PLCZ1: variants seen among roughly 807,000 people sequenced by gnomAD.
PLCZ1 encodes phospholipase C zeta 1.
In PLCZ1, 64 loss-of-function variants were observed where a neutral mutation model predicts 76.8. The ratio of observed to expected loss-of-function variants is 0.83; its 90% CI spans 0.68 to 1.03. The LOEUF is 1.03. Ranked by LOEUF, PLCZ1 falls within the 50% of genes least tolerant of loss-of-function variation. PLCZ1 has a pLI of 0.00. For synonymous variants in PLCZ1, 248 were observed against 230.8 expected, an observed-to-expected ratio of 1.07 and a Z score of -0.68; for missense variants, 751 against 713.7, an observed-to-expected ratio of 1.05 and a Z score of -0.60.
intron 6 of PLCZ1, 72 bp from the exon 7 acceptor site, chr12:18,705,387 C>T (rs1956471021): frequency 2.0e-6 from 3 of 1,537,938 alleles, no homozygotes; most frequent in Admixed American, 3.4e-5. Context: ...AATATAAGTG[C>T]TTAATGTATT....
At chr12:18,665,171 A>T in the PLCZ1 span, among the ~76,000 whole-genome samples, 12,030 of 151,438 alleles carry the variant, frequency 0.079, 565 homozygotes, top group Non-Finnish European at 0.1. Context: ...AATAAAAAAT[A>T]AAAAAAAATT....
chr12:18,688,041 C>A, intron 13 of PLCZ1, 48 bp downstream of exon 13: 1 of 1,599,714 alleles, frequency 6.3e-7, no homozygotes, highest in Non-Finnish European at 8.5e-7. Flanking sequence ...TGTAAGCTTT[C>A]CAACAAGAAG....
intron 14 of PLCZ1, chr12:18,683,717 T>C: frequency 1.0e-6 from 1 of 972,814 alleles, no homozygotes; most frequent in Non-Finnish European, 1.4e-6. Flanking sequence ...AACATAAAGG[T>C]AGTCAGCCCT....
rs1321087968 is a variant in PLCZ1 at position 18,712,934 on chromosome 12, G to T, written c.622C>A (p.Gln208Lys). The T allele has an allele frequency of 2.5e-6, 4 of 1,613,912 alleles. No homozygotes were observed. The highest frequency in any genetic ancestry group is 2.2e-5 in the South Asian group (2 of 91,078). The change falls in exon 6 of 15, where the codon CAA (glutamine) becomes AAA (lysine). Residue 208 changes from glutamine to lysine, a missense_variant. Physicochemically the swap from Gln to Lys is moderately conservative, Grantham distance 53. Transcript: ENST00000266505. Reference sequence around the variant, plus strand: ...CCATGATATACAACAGGTTCATTTTGTGCTCCATCCCAGCAGTCAATCTCC... The same window carrying T: ...CCATGATATACAACAGGTTCATTTTTTGCTCCATCCCAGCAGTCAATCTCC... Reference protein sequence around the residue: ...CLEIDCWDGAQNEPVVYHGYT... With the variant: ...CLEIDCWDGAKNEPVVYHGYT...
the PLCZ1 span, among the ~76,000 whole-genome samples, chr12:18,650,929 A>G: frequency 7.3e-5 from 11 of 151,324 alleles, no homozygotes; most frequent in Admixed American, 6.6e-5. Flanking sequence ...CCTCCTTTCT[A>G]TGCTTACTCT....
At chr12:18,684,052 G>T in intron 14 of PLCZ1, 78 bp downstream of exon 14, 2 of 1,484,532 alleles carry the variant, frequency 1.3e-6, no homozygotes, top group Non-Finnish European at 1.9e-6. Flanking sequence ...GAGCTATTTG[G>T]TATGTCAAAA....
chr12:18,733,795 G>T (rs1028877659), intron 3 of PLCZ1, among the ~76,000 whole-genome samples: 1 of 152,006 alleles, frequency 6.6e-6, no homozygotes, highest in Non-Finnish European at 1.5e-5. Context: ...TTTATTTCTG[G>T]GCTCTCTATT....
intron 12 of PLCZ1, among the ~76,000 whole-genome samples, chr12:18,694,672 G>C (rs2137163536): frequency 6.6e-6 from 1 of 152,232 alleles, no homozygotes; most frequent in South Asian, 2.1e-4. Context: ...TTTGAGAGGA[G>C]AAGGTTTTAG....
chr12:18,736,023 C>T (rs949428932), intron 3 of PLCZ1, 198 bp downstream of exon 3: 2 of 520,378 alleles, frequency 3.8e-6, no homozygotes, highest in Non-Finnish European at 6.5e-6. Context: ...TTATTCTAAA[C>T]TGATATCCTG....
chr12:18,650,598 A>G, the PLCZ1 span, among the ~76,000 whole-genome samples: 1 of 147,938 alleles, frequency 6.8e-6, no homozygotes, highest in Non-Finnish European at 1.5e-5. Flanking sequence ...AGTGCTTGAT[A>G]TGAGAGCTGA....
At chr12:18,696,125 C>T in intron 11 of PLCZ1, 25 bp downstream of exon 11, 1 of 1,178,630 alleles carries the variant, frequency 8.5e-7, no homozygotes, top group South Asian at 1.2e-5. Flanking sequence ...CTTCTGCAAA[C>T]AACTCAATAT....
intron 5 of PLCZ1, among the ~76,000 whole-genome samples, chr12:18,716,710 T>C (rs1210940785): frequency 6.6e-6 from 1 of 152,224 alleles, no homozygotes; most frequent in Non-Finnish European, 1.5e-5. Flanking sequence ...CTTTATTTCA[T>C]CTATTTATCT....
the PLCZ1 span, among the ~76,000 whole-genome samples, chr12:18,676,196 G>T: frequency 6.6e-6 from 1 of 152,064 alleles, no homozygotes; most frequent in Non-Finnish European, 1.5e-5. Context: ...AAAAACAAGA[G>T]AAAGAAACCA....
At position 18,711,871 on chromosome 12, in the gene PLCZ1, G is replaced by A. The variant is rs550047544; in HGVS notation, c.714+971C>T. ...GAAATAATAGAAACTACATGTTTAGGAGAATCAGTGCCATACTCTCAATGT... is the reference window on the plus strand; with the variant it reads ...GAAATAATAGAAACTACATGTTTAGAAGAATCAGTGCCATACTCTCAATGT... On this transcript the variant is annotated intron_variant, in intron 6 of 14. Coordinates refer to ENST00000266505, the MANE Select transcript of PLCZ1 (RefSeq NM_033123.4). 7.5e-4 allele frequency among the ~76,000 whole-genome samples: 114 copies of A among 152,138 alleles called. 1 individual carries two copies. The highest frequency in any genetic ancestry group is 2.6e-3 in the African/African-American group (110 of 41,544).
the PLCZ1 span, among the ~76,000 whole-genome samples, chr12:18,668,049 A>G: frequency 1.4e-4 from 21 of 152,192 alleles, no homozygotes; most frequent in Non-Finnish European, 2.6e-4. Flanking sequence ...GATTTCTGAT[A>G]CAGTCAAAGT....
chr12:18,666,291 G>C, the PLCZ1 span, among the ~76,000 whole-genome samples: 1 of 151,380 alleles, frequency 6.6e-6, no homozygotes, highest in East Asian at 1.9e-4. Context: ...TCAATTAAAG[G>C]GCATATTTGG....
intron 6 of PLCZ1, among the ~76,000 whole-genome samples, chr12:18,711,094 T>C (rs1957256448): frequency 6.6e-6 from 1 of 152,064 alleles, no homozygotes; most frequent in Admixed American, 6.5e-5. Flanking sequence ...TATATGTTTA[T>C]TGCGGCACTA....
chr12:18,683,489 T>G, intron 14 of PLCZ1, 165 bp from the exon 15 acceptor site: 21 of 1,482,994 alleles, frequency 1.4e-5, no homozygotes, highest in Non-Finnish European at 1.9e-5. Flanking sequence ...AATTAAATAT[T>G]TGCATTTTCT....
intron 3 of PLCZ1, 28 bp downstream of exon 3, chr12:18,736,193 G>C (rs1279605810): frequency 1.9e-6 from 3 of 1,608,314 alleles, no homozygotes; most frequent in Non-Finnish European, 2.6e-6. Flanking sequence ...CCTAGGATAG[G>C]ATAGGCAGGG....
Sources: allele counts gnomAD v4.1 joint callset (sites outside exome capture counted in the v4.1 genomes callset), GRCh38; gene constraint gnomAD v4.1.1; transcripts MANE v1.5; gene names NCBI Gene and HGNC (gene_info 2026-07-23, HGNC 2026-07-21).